Variants in DNAL1 observed in about 807,000 individuals in gnomAD.
The protein encoded by DNAL1 is chromosome 14 open reading frame 168.
In DNAL1, 17 loss-of-function variants were observed where a neutral mutation model predicts 29.4. That is an observed-to-expected ratio of 0.58 (90% CI 0.40 to 0.87). The LOEUF (loss-of-function observed/expected upper bound fraction) is 0.87, where lower values mean the gene tolerates loss of function less well. DNAL1 is among the 40% of genes least tolerant of loss of function. The probability of loss-of-function intolerance (pLI) is 0.00; values close to 1 mark genes in which losing one functional copy is unlikely to be tolerated. For synonymous variants in DNAL1, 78 were observed against 76.3 expected, an observed-to-expected ratio of 1.02 and a Z score of -0.12; for missense variants, 188 against 214.1, an observed-to-expected ratio of 0.88 and a Z score of 0.76.
intron 1 of DNAL1, among the ~76,000 whole-genome samples, chr14:73,648,270 G>T (rs930394036): frequency 6.6e-6 from 1 of 151,416 alleles, no homozygotes; most frequent in African/African-American, 2.4e-5. Context: ...GAGCCACCGC[G>T]CCTGGCCAAG....
At chr14:73,654,255 A>G (rs1243929491) in intron 1 of DNAL1, among the ~76,000 whole-genome samples, 1 of 152,246 alleles carries the variant, frequency 6.6e-6, no homozygotes, top group African/African-American at 2.4e-5. Context: ...TGAAAGCTAC[A>G]TATTTTTTGT....
At position 73,687,372 on chromosome 14, in the gene DNAL1, G is replaced by C; in HGVS notation, c.378G>C (p.Leu126=). ...KLKILYMSNN[L]VKDWAEFVKL... ...AGATTCTCTACATGTCTAATAACCT[G>C]GTAAAAGACTGGGGTAAGCTGAGAG... The change falls in exon 6 of 8, where the codon CTG becomes CTC. Residue 126 remains leucine (L), a synonymous_variant. Transcript: ENST00000553645. 6.3e-7 allele frequency: 1 copy of C among 1,599,368 alleles called. No homozygotes were observed. Among genetic ancestry groups the C allele is most frequent in the Non-Finnish European group, 8.5e-7 (1 of 1,172,960 alleles).
intron 5 of DNAL1, among the ~76,000 whole-genome samples, chr14:73,681,623 AAAAAAAAAAAATATATATAT>A (rs1891883465): frequency 2.3e-5 from 1 of 43,670 alleles, no homozygotes; most frequent in South Asian, 6.3e-4. Context: ...AAAAAAAAAA[AAAAAAAAAAAATATATATAT>A]ATATATATAT....
At position 73,653,773 on chromosome 14, in the gene DNAL1, T is replaced by C. The variant is rs372414906; in HGVS notation, c.4-1074T>C. On this transcript the variant is annotated intron_variant, in intron 1 of 7. Coordinates refer to ENST00000553645, the MANE Select transcript of DNAL1 (RefSeq NM_031427.4). ...TAAAAACTTTTCTTTTGTTATTCTT[T>C]GGGGTTCTTTTTTAAAAAAAGAGCA... Among the ~76,000 whole-genome samples, 17 of 152,296 alleles carry C rather than the reference T, an allele frequency of 1.1e-4. No individual in the cohort carries two copies. In the East Asian group the frequency reaches 2.9e-3, roughly 26 times the overall value.
At chr14:73,663,202 ATTT>A (rs58367000) in intron 4 of DNAL1, among the ~76,000 whole-genome samples, 9 of 125,130 alleles carry the variant, frequency 7.2e-5, no homozygotes, top group Admixed American at 8.4e-5. Context: ...GGTCCCAGTA[ATTT>A]TTTTTTTTTT....
rs11845725 is a variant in DNAL1 at position 73,670,978 on chromosome 14, C to T, written c.209-564C>T. On this transcript the variant is annotated intron_variant, in intron 4 of 7. Coordinates refer to ENST00000553645, the MANE Select transcript of DNAL1 (RefSeq NM_031427.4). ...GTCTCGATCTCCTGACCTCGTGATC[C>T]GCCCGCCTCAGCCTCCCAAAGTGCT... is the stretch of plus-strand genomic sequence containing the variant. Among the ~76,000 whole-genome samples, 1,189 of 152,082 alleles carry T rather than the reference C, an allele frequency of 7.8e-3. 15 individuals are homozygous for T. The highest frequency in any genetic ancestry group is 0.026 in the African/African-American group (1,095 of 41,504).
chr14:73,690,521 G>C lies in DNAL1; in HGVS notation c.532+1006G>C, dbSNP rs139737568. 8.0e-3 allele frequency among the ~76,000 whole-genome samples: 1,220 copies of C among 152,126 alleles called. 24 individuals carry two copies. The highest frequency in any genetic ancestry group is 0.028 in the African/African-American group (1,156 of 41,500). Reference sequence around the variant, plus strand: ...TACAAAATTAGCCGGATGTGGTGGTGCATGCCTGTAACCCCATCTACTCGG... The same window carrying C: ...TACAAAATTAGCCGGATGTGGTGGTCCATGCCTGTAACCCCATCTACTCGG... On this transcript the variant is annotated intron_variant, in intron 7 of 7. Transcript: ENST00000553645.
intron 5 of DNAL1, among the ~76,000 whole-genome samples, chr14:73,684,616 G>A (rs1228961992): frequency 6.6e-6 from 1 of 152,296 alleles, no homozygotes; most frequent in East Asian, 1.9e-4. Flanking sequence ...ATAGAGGTCA[G>A]CTGGGCATGG....
intron 2 of DNAL1, among the ~76,000 whole-genome samples, chr14:73,656,880 G>T (rs528597579): frequency 1.3e-5 from 2 of 151,900 alleles, no homozygotes; most frequent in South Asian, 4.2e-4. Context: ...ATATGTATTA[G>T]ATCTTTTTAC....
chr14:73,675,493 T>C (rs948377674), intron 5 of DNAL1, among the ~76,000 whole-genome samples: 1 of 151,118 alleles, frequency 6.6e-6, no homozygotes, highest in Admixed American at 6.6e-5. Flanking sequence ...TTTTTTGTAG[T>C]GATGGAGTCT....
intron 4 of DNAL1, among the ~76,000 whole-genome samples, chr14:73,663,022 C>A (rs1214635936): frequency 1.3e-5 from 2 of 151,782 alleles, no homozygotes; most frequent in South Asian, 2.1e-4. Context: ...ACTTTTTAGA[C>A]CCTCATCATC....
chr14:73,689,756 C>T (rs1316950122), intron 7 of DNAL1, among the ~76,000 whole-genome samples: 1 of 151,952 alleles, frequency 6.6e-6, no homozygotes, highest in Non-Finnish European at 1.5e-5. Context: ...TAGGCCTGGC[C>T]GGGCATGGGT....
At chr14:73,659,161 ATT>A (rs10547955) in intron 3 of DNAL1, among the ~76,000 whole-genome samples, 127 of 140,790 alleles carry the variant, frequency 9.0e-4, no homozygotes, top group African/African-American at 1.3e-3. Flanking sequence ...GTATAGTACA[ATT>A]TTTTTTTTTT....
intron 7 of DNAL1, 24 bp from the exon 8 acceptor site, chr14:73,695,878 T>C: frequency 6.5e-7 from 1 of 1,544,558 alleles, no homozygotes; most frequent in Non-Finnish European, 8.8e-7. Context: ...GAATAACCAG[T>C]AATAATTTTC....
chr14:73,669,584 T>A (rs1371022313), intron 4 of DNAL1, among the ~76,000 whole-genome samples: 1 of 151,854 alleles, frequency 6.6e-6, no homozygotes, highest in Admixed American at 6.6e-5. Context: ...CTAAATTTTT[T>A]ATTTTTTATT....
intron 4 of DNAL1, among the ~76,000 whole-genome samples, chr14:73,665,424 T>G (rs1891454167): frequency 2.0e-5 from 3 of 152,236 alleles, no homozygotes; most frequent in African/African-American, 7.2e-5. Context: ...CTCTGTAACT[T>G]GCTTAAATGT....
At chr14:73,661,597 T>A (rs1326115260) in intron 3 of DNAL1, among the ~76,000 whole-genome samples, 1 of 151,900 alleles carries the variant, frequency 6.6e-6, no homozygotes, top group East Asian at 1.9e-4. Context: ...ATACAAAAAT[T>A]AGCCAGGCAT....
intron 1 of DNAL1, among the ~76,000 whole-genome samples, chr14:73,649,503 C>T (rs1300665939): frequency 1.3e-5 from 2 of 150,884 alleles, no homozygotes; most frequent in South Asian, 2.1e-4. Context: ...AGGATGGTCT[C>T]GATCTCCTGA....
intron 1 of DNAL1, among the ~76,000 whole-genome samples, chr14:73,652,672 C>T (rs540433279): frequency 6.6e-6 from 1 of 152,084 alleles, no homozygotes; most frequent in East Asian, 1.9e-4. Context: ...TTATTTTATC[C>T]CCTCGTTCTG....
Sources: gnomAD v4.1 joint callset for allele counts (sites outside exome capture counted in the v4.1 genomes callset) on GRCh38, gnomAD v4.1.1 for gene constraint, MANE v1.5 for transcripts, NCBI Gene and HGNC (gene_info 2026-07-23, HGNC 2026-07-21) for gene names.